The following CAP2 variants were observed in gnomAD, a reference collection of about 807,000 sequenced individuals.
CAP2 encodes cyclase associated actin cytoskeleton regulatory protein 2.
In CAP2, 24 loss-of-function variants were observed where a neutral mutation model predicts 57.7. That is an observed-to-expected ratio of 0.42 (90% CI 0.30 to 0.58). The LOEUF is 0.58. Ranked by LOEUF, CAP2 falls within the 20% of genes least tolerant of loss-of-function variation. The pLI is 0.22. For synonymous variants in CAP2, 194 were observed against 207.2 expected (o/e 0.94, Z 0.55); for missense variants, 501 against 590.3 (o/e 0.85, Z 1.57).
intron 4 of CAP2, among the ~76,000 whole-genome samples, chr6:17,482,997 A>G (rs1443744265): frequency 2.6e-5 from 4 of 152,230 alleles, no homozygotes; most frequent in Non-Finnish European, 5.9e-5. Context: ...ACGCCATCAC[A>G]TATTCCTCTG....
chr6:17,427,395 C>T (rs1759621481), intron 3 of CAP2, among the ~76,000 whole-genome samples: 4 of 152,078 alleles, frequency 2.6e-5, no homozygotes, highest in Admixed American at 2.6e-4. Context: ...TTAAAAAGGT[C>T]CCCTGGCTGA....
At chr6:17,537,285 T>C (rs1762796798) in intron 7 of CAP2, among the ~76,000 whole-genome samples, 1 of 152,042 alleles carries the variant, frequency 6.6e-6, no homozygotes, top group Non-Finnish European at 1.5e-5. Context: ...CTCCCAGGCT[T>C]AGGTGATCCT....
chr6:17,527,256 T>C (rs537309789), intron 7 of CAP2, among the ~76,000 whole-genome samples: 8 of 152,324 alleles, frequency 5.3e-5, no homozygotes, highest in African/African-American at 1.7e-4. Flanking sequence ...CCAAATGAAG[T>C]AGCTGTCCAG....
chr6:17,449,314 T>A (rs1760343463), intron 3 of CAP2, among the ~76,000 whole-genome samples: 1 of 152,210 alleles, frequency 6.6e-6, no homozygotes, highest in East Asian at 1.9e-4. Flanking sequence ...GTATTTATAA[T>A]CATTTAAAAA....
intron 3 of CAP2, among the ~76,000 whole-genome samples, chr6:17,445,089 T>A (rs1760218983): frequency 6.6e-6 from 1 of 152,168 alleles, no homozygotes; most frequent in Admixed American, 6.5e-5. Flanking sequence ...ATGTGAACCT[T>A]ACTGTAAGTA....
At chr6:17,405,018 C>T (rs146885340) in intron 1 of CAP2, among the ~76,000 whole-genome samples, 11 of 152,128 alleles carry the variant, frequency 7.2e-5, no homozygotes, top group South Asian at 2.1e-4. Flanking sequence ...CCTGTTGATG[C>T]CTGAAAGCAT....
Position 17,511,517 on chromosome 6 carries a change from T to C in CAP2, c.531-2332T>C, listed in dbSNP as rs187756191. Among the ~76,000 whole-genome samples, 660 of 152,292 alleles carry C rather than the reference T, an allele frequency of 4.3e-3. 6 individuals carry two copies. The highest frequency in any genetic ancestry group is 0.015 in the African/African-American group (641 of 41,556). On this transcript the variant is annotated intron_variant, in intron 6 of 12. Coordinates refer to ENST00000229922, the MANE Select transcript of CAP2 (RefSeq NM_006366.3). ...CCTAGGCTGGAGTGCAGTGACACGA[T>C]CTCAGCTCACTGCAATCTCTGCCTC...
intron 12 of CAP2, among the ~76,000 whole-genome samples, chr6:17,552,048 T>A (rs957096075): frequency 2.0e-5 from 3 of 152,210 alleles, no homozygotes; most frequent in Admixed American, 2.0e-4. Context: ...GGAAGTTTTA[T>A]GAAAATGCCA....
intron 4 of CAP2, among the ~76,000 whole-genome samples, chr6:17,466,296 C>A (rs1021776029): frequency 8.5e-5 from 13 of 152,186 alleles, no homozygotes; most frequent in African/African-American, 3.1e-4. Context: ...CCAACTTTAG[C>A]GTGCATGACA....
intron 1 of CAP2, among the ~76,000 whole-genome samples, chr6:17,419,121 G>A (rs1759363064): frequency 6.6e-6 from 1 of 152,170 alleles, no homozygotes; most frequent in Non-Finnish European, 1.5e-5. Context: ...GAATTACAGA[G>A]CTATACAAGT....
intron 1 of CAP2, 24 bp from the exon 2 acceptor site, chr6:17,421,531 C>T (rs1219316659): frequency 6.2e-7 from 1 of 1,613,982 alleles, no homozygotes; most frequent in Admixed American, 1.7e-5. Context: ...CACGCAGCCT[C>T]CATTTGTGCC....
At chr6:17,527,736 C>T (rs989311601) in intron 7 of CAP2, among the ~76,000 whole-genome samples, 1 of 151,962 alleles carries the variant, frequency 6.6e-6, no homozygotes, top group Non-Finnish European at 1.5e-5. Flanking sequence ...GCTGGGATTA[C>T]AGGTTGTGCC....
chr6:17,428,531 G>C (rs987533524), intron 3 of CAP2, among the ~76,000 whole-genome samples: 4 of 151,482 alleles, frequency 2.6e-5, no homozygotes, highest in Non-Finnish European at 5.9e-5. Flanking sequence ...GTTGTGGTTT[G>C]GGGCTTTTCG....
In CAP2 at chr6:17,513,770, A is replaced by G. The variant is rs1254662839; in HGVS notation, c.531-79A>G. The G allele has an allele frequency of 2.1e-6, 2 of 942,812 alleles. No homozygotes were observed. Among genetic ancestry groups the G allele is most frequent in the African/African-American group, 3.3e-5 (2 of 60,924 alleles). The allele number at this position is 942,812 out of a possible 1,614,324, so 58.4% of individuals were successfully genotyped here. ...CTCCAGGGCCCCTAGTCACTAGATAACCATGTGCCCCCACAATTTTTTTAA... is the reference window on the plus strand; with the variant it reads ...CTCCAGGGCCCCTAGTCACTAGATAGCCATGTGCCCCCACAATTTTTTTAA... On this transcript the variant is annotated intron_variant, in intron 6 of 12. Transcript: ENST00000229922. The surrounding 1 kb of genome is among the most constrained non-coding windows in gnomAD (Gnocchi z 4.3).
At chr6:17,531,212 C>T (rs1561817889) in intron 7 of CAP2, 7 of 770,538 alleles carry the variant, frequency 9.1e-6, no homozygotes, top group South Asian at 2.7e-5. Flanking sequence ...GAATTGGGTA[C>T]CCCCATGCAG....
chr6:17,498,881 A>T (rs1376970423), intron 4 of CAP2, among the ~76,000 whole-genome samples: 3 of 151,820 alleles, frequency 2.0e-5, no homozygotes, highest in Non-Finnish European at 2.9e-5. Context: ...GGCGCCCGCC[A>T]CCACGCCCAG....
At chr6:17,431,057 C>G (rs1004731410) in intron 3 of CAP2, among the ~76,000 whole-genome samples, 2 of 152,076 alleles carry the variant, frequency 1.3e-5, no homozygotes, top group African/African-American at 4.8e-5. Context: ...ACTTAAAAAA[C>G]TGCTGTTACC....
At chr6:17,482,877 G>C (rs894130621) in intron 4 of CAP2, among the ~76,000 whole-genome samples, 1 of 152,168 alleles carries the variant, frequency 6.6e-6, no homozygotes, top group Non-Finnish European at 1.5e-5. Flanking sequence ...ATGAATTAGT[G>C]GGGGGACACC....
intron 7 of CAP2, among the ~76,000 whole-genome samples, chr6:17,514,423 G>A (rs1025747956): frequency 2.0e-5 from 3 of 151,574 alleles, no homozygotes; most frequent in Non-Finnish European, 2.9e-5. Flanking sequence ...AAATTTCGGA[G>A]CTCCCTACAT....
Sources: allele counts gnomAD v4.1 joint callset (sites outside exome capture counted in the v4.1 genomes callset), GRCh38; gene constraint gnomAD v4.1.1; non-coding constraint Gnocchi (gnomAD v3.1); transcripts MANE v1.5; gene names NCBI Gene and HGNC (gene_info 2026-07-23, HGNC 2026-07-21).